Variants in TRAPPC9 observed in about 807,000 individuals in gnomAD.
TRAPPC9 encodes the protein trafficking protein particle complex subunit 9.
In TRAPPC9, 83 loss-of-function variants were observed where a neutral mutation model predicts 124.0. The ratio of observed to expected loss-of-function variants is 0.67; its 90% confidence interval spans 0.56 to 0.80. TRAPPC9 has a LOEUF of 0.80. Ranked by LOEUF, TRAPPC9 falls within the 30% of genes least tolerant of loss-of-function variation. The pLI, the probability that TRAPPC9 is intolerant of heterozygous loss-of-function variation, is 0.00. For synonymous variants in TRAPPC9, 638 were observed against 617.5 expected (o/e 1.03, Z -0.49); for missense variants, 1,302 against 1,508.3 (o/e 0.86, Z 2.27).
chr8:140,160,340 T>G (rs974339298), intron 17 of TRAPPC9, among the ~76,000 whole-genome samples: 1 of 152,166 alleles, frequency 6.6e-6, no homozygotes, highest in African/African-American at 2.4e-5. Context: ...TAAAGACACA[T>G]GCACACGTAT....
intron 17 of TRAPPC9, among the ~76,000 whole-genome samples, chr8:140,045,619 T>A (rs1158354780): frequency 2.1e-5 from 2 of 97,042 alleles, no homozygotes; most frequent in Non-Finnish European, 3.6e-5. Context: ...AGAGCAAGAC[T>A]CCATCTCGGC....
chr8:139,782,692 G>A (rs1303075503), intron 21 of TRAPPC9, among the ~76,000 whole-genome samples: 6 of 152,158 alleles, frequency 3.9e-5, no homozygotes, highest in African/African-American at 1.4e-4. Flanking sequence ...AGACTGAAAT[G>A]ACATTGTCAG....
intron 21 of TRAPPC9, among the ~76,000 whole-genome samples, chr8:139,830,187 TACAAACACA>T (rs1324839757): frequency 9.2e-5 from 14 of 151,974 alleles, no homozygotes; most frequent in Non-Finnish European, 1.6e-4. Context: ...CACACATGTA[TACAAACACA>T]TACACACACA....
chr8:140,269,978 T>A (rs978405969), intron 15 of TRAPPC9, among the ~76,000 whole-genome samples: 1 of 151,832 alleles, frequency 6.6e-6, no homozygotes, highest in African/African-American at 2.4e-5. Flanking sequence ...CAGGCACCTG[T>A]AATCCCAGTT....
At chr8:140,328,407 G>C (rs181037176) in intron 9 of TRAPPC9, among the ~76,000 whole-genome samples, 1 of 152,280 alleles carries the variant, frequency 6.6e-6, no homozygotes, top group East Asian at 1.9e-4. Context: ...GTCAGATGTG[G>C]TGTAAGGTCC....
intron 17 of TRAPPC9, chr8:140,095,306 A>C (rs369646447): frequency 4.6e-5 from 7 of 152,240 alleles, no homozygotes; most frequent in African/African-American, 1.2e-4. Flanking sequence ...CAGTGAGGGG[A>C]GCTTCTCTGG....
intron 9 of TRAPPC9, among the ~76,000 whole-genome samples, chr8:140,342,254 C>T (rs756728710): frequency 3.9e-5 from 6 of 152,132 alleles, no homozygotes; most frequent in Non-Finnish European, 8.8e-5. Context: ...AGGTCCCTTT[C>T]GATACCACCC....
In TRAPPC9 at chr8:139,918,883, G is replaced by A. The variant is rs572207090; in HGVS notation, c.2811-8583C>T. On this transcript the variant is annotated intron_variant, in intron 19 of 22. Transcript: ENST00000438773. The stretch of plus-strand genomic sequence containing the variant: ...CCTGCACCACGGGTCATTTTAAATT[G>A]ATTTCTTTCTGCAGAGGCCTCCTGA... Among the ~76,000 whole-genome samples, 5 of 152,282 alleles carry A rather than the reference G, an allele frequency of 3.3e-5. No homozygotes were observed. The East Asian group carries it at 9.7e-4, about 29-fold the overall frequency.
intron 21 of TRAPPC9, among the ~76,000 whole-genome samples, chr8:139,756,714 A>G (rs1289137987): frequency 7.6e-6 from 1 of 131,308 alleles, no homozygotes; most frequent in African/African-American, 3.0e-5. Flanking sequence ...TTTGGGGATG[A>G]GGACAGCAGG....
At chr8:140,112,032 T>C (rs1188421226) in intron 17 of TRAPPC9, among the ~76,000 whole-genome samples, 1 of 152,278 alleles carries the variant, frequency 6.6e-6, no homozygotes, top group Non-Finnish European at 1.5e-5. Context: ...AGAACATCTT[T>C]GGGTAGCCCT....
chr8:139,795,698 T>A (rs750283043), intron 21 of TRAPPC9, among the ~76,000 whole-genome samples: 14 of 151,934 alleles, frequency 9.2e-5, no homozygotes, highest in Admixed American at 8.5e-4. Context: ...AAACCCAGAG[T>A]ACGCAATTAA....
intron 19 of TRAPPC9, among the ~76,000 whole-genome samples, chr8:139,916,046 C>T (rs1832108018): frequency 6.6e-6 from 1 of 152,202 alleles, no homozygotes. Flanking sequence ...CAAGGCAGGA[C>T]TTCAGGGGAG....
chr8:140,266,230 C>T (rs570425834), intron 15 of TRAPPC9, among the ~76,000 whole-genome samples: 6 of 151,706 alleles, frequency 4.0e-5, no homozygotes, highest in Non-Finnish European at 8.8e-5. Context: ...CTGAGGCGGA[C>T]AGAGTATTTG....
chr8:140,255,748 T>C (rs1049504889), intron 15 of TRAPPC9, among the ~76,000 whole-genome samples: 1 of 152,180 alleles, frequency 6.6e-6, no homozygotes, highest in Non-Finnish European at 1.5e-5. Context: ...TAGCTGGGCA[T>C]GGTGGCGCAC....
chr8:140,316,819 T>C (rs560578325), intron 9 of TRAPPC9, among the ~76,000 whole-genome samples: 1 of 152,330 alleles, frequency 6.6e-6, no homozygotes, highest in East Asian at 1.9e-4. Flanking sequence ...AGTTCTTTGT[T>C]AAATGTTTCA....
chr8:139,769,281 T>C (rs1820793923), intron 21 of TRAPPC9, among the ~76,000 whole-genome samples: 1 of 152,206 alleles, frequency 6.6e-6, no homozygotes, highest in Non-Finnish European at 1.5e-5. Flanking sequence ...AGTGAGAGAC[T>C]TACAATATTA....
intron 17 of TRAPPC9, among the ~76,000 whole-genome samples, chr8:140,056,108 G>A (rs1184311245): frequency 1.3e-5 from 2 of 152,046 alleles, no homozygotes; most frequent in Non-Finnish European, 2.9e-5. Flanking sequence ...CAAAGCTATA[G>A]TAATTAAAAC....
Position 140,108,847 on chromosome 8 carries a change from G to C in TRAPPC9, c.2557-84768C>G, listed in dbSNP as rs116580874. The stretch of plus-strand genomic sequence containing the variant: ...TGACATTTATCTGTTATGTATTTGG[G>C]GGATCTGTGAAGGTTTCACTTGAAG... On this transcript the variant is annotated intron_variant, in intron 17 of 22. Coordinates refer to ENST00000438773, the MANE Select transcript of TRAPPC9 (RefSeq NM_001160372.4). 4.4e-3 allele frequency among the ~76,000 whole-genome samples: 669 copies of C among 152,220 alleles called. 4 individuals are homozygous for C. The highest frequency in any genetic ancestry group is 0.014 in the African/African-American group (593 of 41,514).
chr8:139,837,773 C>T (rs576480160), intron 21 of TRAPPC9, among the ~76,000 whole-genome samples: 1 of 152,284 alleles, frequency 6.6e-6, no homozygotes, highest in East Asian at 1.9e-4. Flanking sequence ...AGGAGCCCCT[C>T]GGCCCTCCTC....
Sources: gnomAD v4.1 joint callset for allele counts (sites outside exome capture counted in the v4.1 genomes callset) on GRCh38, gnomAD v4.1.1 for gene constraint, MANE v1.5 for transcripts, NCBI Gene and HGNC (gene_info 2026-07-23, HGNC 2026-07-21) for gene names.